ZFAND3: variants seen among roughly 807,000 people sequenced by gnomAD.
ZFAND3 encodes the protein AN1-type zinc finger protein 3.
A neutral mutation model predicts 29.6 loss-of-function variants in ZFAND3; 10 were observed. The observed-to-expected ratio is 0.34, with a 90% CI of 0.21 to 0.57. The LOEUF (loss-of-function observed/expected upper bound fraction) is 0.57, where lower values mean the gene tolerates loss of function less well. Ranked by LOEUF, ZFAND3 falls within the 20% of genes least tolerant of loss-of-function variation. The pLI is 0.86. For missense variants in ZFAND3, 230 were observed against 304.5 expected (o/e 0.76, Z 1.82); for synonymous variants, 128 against 112.6 (o/e 1.14, Z -0.87).
At chr6:38,025,306 A>G (rs867338183) in intron 2 of ZFAND3, among the ~76,000 whole-genome samples, 2 of 152,172 alleles carry the variant, frequency 1.3e-5, no homozygotes, top group Non-Finnish European at 2.9e-5. Context: ...CTTTTTCATA[A>G]TTACTGGTGG....
chr6:38,000,123 T>TA (rs557577339), intron 2 of ZFAND3, among the ~76,000 whole-genome samples: 12 of 152,138 alleles, frequency 7.9e-5, no homozygotes, highest in Non-Finnish European at 1.8e-4. Context: ...AAACAATTTT[T>TA]AAAAAAATAA....
intron 3 of ZFAND3, among the ~76,000 whole-genome samples, chr6:38,071,323 C>T (rs1197911208): frequency 1.3e-5 from 2 of 151,976 alleles, no homozygotes; most frequent in Non-Finnish European, 2.9e-5. Context: ...TTTCTATGTA[C>T]ATTTAATACT....
At chr6:38,020,148 TAGAC>T (rs1171070346) in intron 2 of ZFAND3, among the ~76,000 whole-genome samples, 1 of 152,218 alleles carries the variant, frequency 6.6e-6, no homozygotes, top group Non-Finnish European at 1.5e-5. Context: ...CTGTGTGAGA[TAGAC>T]AGATTAATGT....
intron 3 of ZFAND3, among the ~76,000 whole-genome samples, chr6:38,078,125 C>T (rs1764589770): frequency 6.6e-6 from 1 of 152,196 alleles, no homozygotes; most frequent in East Asian, 1.9e-4. Flanking sequence ...GGAAAATCTA[C>T]TACCATATTG....
intron 2 of ZFAND3, among the ~76,000 whole-genome samples, chr6:37,996,207 T>A (rs1762846963): frequency 6.6e-6 from 1 of 152,152 alleles, no homozygotes; most frequent in Admixed American, 6.5e-5. Flanking sequence ...TCAATGGTTA[T>A]AATTTTCCAA....
intron 1 of ZFAND3, among the ~76,000 whole-genome samples, chr6:37,823,843 G>T (rs1464819966): frequency 6.6e-6 from 1 of 151,838 alleles, no homozygotes; most frequent in Non-Finnish European, 1.5e-5. Flanking sequence ...TCAGGCTGGA[G>T]TGCAATGGCG....
In ZFAND3 at chr6:37,875,400, A is replaced by G. The variant is rs573707393; in HGVS notation, c.72-54559A>G. 3.1e-3 allele frequency among the ~76,000 whole-genome samples: 469 copies of G among 152,324 alleles called. 3 individuals carry two copies. Among genetic ancestry groups the G allele is most frequent in the African/African-American group, 0.011 (445 of 41,564 alleles). On this transcript the variant is annotated intron_variant, in intron 1 of 5. Coordinates refer to ENST00000287218, the MANE Select transcript of ZFAND3 (RefSeq NM_021943.3). Reference sequence around the variant, plus strand: ...CAAAAAATAAACTTAATTTTAGTACATGATTACCAATAATGCATTAGTTGT... The same window carrying G: ...CAAAAAATAAACTTAATTTTAGTACGTGATTACCAATAATGCATTAGTTGT...
At chr6:38,017,755 T>C (rs1193255092) in intron 2 of ZFAND3, among the ~76,000 whole-genome samples, 1 of 152,060 alleles carries the variant, frequency 6.6e-6, no homozygotes, top group East Asian at 1.9e-4. Flanking sequence ...TCCGGGAAAC[T>C]CCCTTTACAG....
At chr6:38,052,740 C>T (rs1280688463) in intron 2 of ZFAND3, among the ~76,000 whole-genome samples, 1 of 152,042 alleles carries the variant, frequency 6.6e-6, no homozygotes, top group Non-Finnish European at 1.5e-5. Flanking sequence ...ATGATTAAAG[C>T]ACTCCATGTT....
intron 5 of ZFAND3, among the ~76,000 whole-genome samples, chr6:38,120,076 C>T (rs962315122): frequency 2.6e-5 from 4 of 152,172 alleles, no homozygotes; most frequent in African/African-American, 4.8e-5. Flanking sequence ...CTTAGAGCAT[C>T]TTCAATAGTT....
chr6:38,144,173 T>C (rs1169844780), intron 5 of ZFAND3, among the ~76,000 whole-genome samples: 1 of 18,410 alleles, frequency 5.4e-5, no homozygotes, highest in Non-Finnish European at 1.1e-4. Flanking sequence ...AAAAATGTGA[T>C]ATATATATAT....
chr6:37,912,475 A>G (rs1286120901), intron 1 of ZFAND3, among the ~76,000 whole-genome samples: 1 of 152,208 alleles, frequency 6.6e-6, no homozygotes, highest in Non-Finnish European at 1.5e-5. Flanking sequence ...GAAATTTGGT[A>G]TGGGAGTAGA....
At chr6:37,855,145 ATTT>A (rs1181032862) in intron 1 of ZFAND3, among the ~76,000 whole-genome samples, 2 of 132,972 alleles carry the variant, frequency 1.5e-5, no homozygotes. Flanking sequence ...TGGCAATTTA[ATTT>A]TTTTTTTTTT....
intron 1 of ZFAND3, among the ~76,000 whole-genome samples, chr6:37,924,171 C>T (rs186523322): frequency 2.6e-5 from 4 of 152,182 alleles, no homozygotes; most frequent in Admixed American, 2.6e-4. Context: ...CATAGGATGA[C>T]GTTATCTACC....
At chr6:38,103,134 C>T (rs1309420069) in intron 4 of ZFAND3, among the ~76,000 whole-genome samples, 2 of 152,210 alleles carry the variant, frequency 1.3e-5, no homozygotes, top group Non-Finnish European at 1.5e-5. Context: ...ACAGTAAGTC[C>T]TCACTTAATG....
intron 4 of ZFAND3, among the ~76,000 whole-genome samples, chr6:38,102,737 G>C (rs1765118296): frequency 6.6e-6 from 1 of 152,122 alleles, no homozygotes. Context: ...GACTTACTCT[G>C]TATTTCTAGA....
chr6:38,090,609 T>C (rs1764847410), intron 4 of ZFAND3, among the ~76,000 whole-genome samples: 1 of 152,220 alleles, frequency 6.6e-6, no homozygotes, highest in Non-Finnish European at 1.5e-5. Context: ...TGGCATGTCA[T>C]AGTGGCTGTT....
At chr6:38,023,144 G>GC (rs1267408507) in intron 2 of ZFAND3, among the ~76,000 whole-genome samples, 1 of 152,132 alleles carries the variant, frequency 6.6e-6, no homozygotes, top group African/African-American at 2.4e-5. Context: ...AATCTATAAG[G>GC]CTACAAGGAG....
chr6:37,945,644 G>A (rs1409881921), intron 2 of ZFAND3, among the ~76,000 whole-genome samples: 2 of 152,262 alleles, frequency 1.3e-5, no homozygotes, highest in Non-Finnish European at 1.5e-5. Context: ...CAAAGTGTTA[G>A]GATTATAGGT....
Sources: allele counts gnomAD v4.1 joint callset (sites outside exome capture counted in the v4.1 genomes callset), GRCh38; gene constraint gnomAD v4.1.1; transcripts MANE v1.5; gene names NCBI Gene and HGNC (gene_info 2026-07-23, HGNC 2026-07-21).